Variants in ITSN1 observed in about 807,000 individuals in gnomAD.
ITSN1 encodes intersectin-1.
Under a neutral mutation model 239.8 loss-of-function variants are expected in ITSN1, and 58 were observed. The ratio of observed to expected loss-of-function variants is 0.24; its 90% CI spans 0.20 to 0.30. ITSN1 has a LOEUF of 0.30. Ranked by LOEUF, ITSN1 falls within the 10% of genes least tolerant of loss-of-function variation. The probability of loss-of-function intolerance (pLI) is 1.00; values close to 1 mark genes in which losing one functional copy is unlikely to be tolerated. For synonymous variants in ITSN1, 780 were observed against 770.8 expected (o/e 1.01, Z -0.20); for missense variants, 1,558 against 2,103.3 (o/e 0.74, Z 5.07).
chr21:33,807,952 G>A (rs1423849038), intron 20 of ITSN1, among the ~76,000 whole-genome samples: 2 of 148,722 alleles, frequency 1.3e-5, no homozygotes, highest in East Asian at 4.1e-4. Flanking sequence ...TTGGGAGGCC[G>A]AGGCGGGTGG....
At chr21:33,681,206 T>C (rs2090930272) in intron 1 of ITSN1, among the ~76,000 whole-genome samples, 2 of 152,208 alleles carry the variant, frequency 1.3e-5, no homozygotes, top group Non-Finnish European at 2.9e-5. Flanking sequence ...TGTGTTTGTA[T>C]GGAGCGATAT....
chr21:33,765,851 T>A (rs1473039534), intron 9 of ITSN1, 24 bp from the exon 10 acceptor site: 1 of 1,612,742 alleles, frequency 6.2e-7, no homozygotes, highest in African/African-American at 1.3e-5. Context: ...GAAACCGGAT[T>A]ACAGTTAACT....
At chr21:33,878,600 T>TCA (rs1341680181) in intron 34 of ITSN1, among the ~76,000 whole-genome samples, 5 of 151,986 alleles carry the variant, frequency 3.3e-5, no homozygotes, top group African/African-American at 1.2e-4. Flanking sequence ...CCTGAGGGAG[T>TCA]CACCATGACT....
At chr21:33,848,722 C>G (rs943381361) in intron 29 of ITSN1, among the ~76,000 whole-genome samples, 1 of 152,240 alleles carries the variant, frequency 6.6e-6, no homozygotes, top group Non-Finnish European at 1.5e-5. Flanking sequence ...CCATGACTCA[C>G]CATCACGCAG....
At chr21:33,790,998 C>G (rs1229826952) in intron 16 of ITSN1, among the ~76,000 whole-genome samples, 1 of 152,164 alleles carries the variant, frequency 6.6e-6, no homozygotes, top group Non-Finnish European at 1.5e-5. Flanking sequence ...ACTGGGTATT[C>G]TACAAGGACT....
At chr21:33,707,201 T>G (rs1366331789) in intron 1 of ITSN1, among the ~76,000 whole-genome samples, 2 of 152,232 alleles carry the variant, frequency 1.3e-5, no homozygotes, top group Non-Finnish European at 2.9e-5. Flanking sequence ...ACTTAGTCTT[T>G]TCTTTGTGGC....
intron 29 of ITSN1, among the ~76,000 whole-genome samples, chr21:33,847,289 C>T (rs945857369): frequency 6.6e-6 from 1 of 152,226 alleles, no homozygotes; most frequent in African/African-American, 2.4e-5. Context: ...GCCTGGCTGC[C>T]TTGGCCTAGA....
intron 29 of ITSN1, among the ~76,000 whole-genome samples, chr21:33,843,800 C>T (rs1182240443): frequency 6.6e-6 from 1 of 152,154 alleles, no homozygotes; most frequent in African/African-American, 2.4e-5. Flanking sequence ...TGATCTTGGG[C>T]AAGTTATGTA....
intron 5 of ITSN1, among the ~76,000 whole-genome samples, chr21:33,736,751 C>T (rs763855042): frequency 2.1e-4 from 32 of 152,144 alleles, no homozygotes; most frequent in Non-Finnish European, 4.4e-4. Context: ...TTTGGGAGGC[C>T]AAAGCAGGAG....
chr21:33,850,383 C>T (rs533946017), intron 29 of ITSN1, among the ~76,000 whole-genome samples: 2 of 152,302 alleles, frequency 1.3e-5, no homozygotes, highest in East Asian at 1.9e-4. Flanking sequence ...CCTTTGGGGG[C>T]ATTCCTTCCC....
chr21:33,777,301 G>A (rs542102816), intron 14 of ITSN1, among the ~76,000 whole-genome samples: 1 of 152,038 alleles, frequency 6.6e-6, no homozygotes, highest in Non-Finnish European at 1.5e-5. Flanking sequence ...GTCTATTCTG[G>A]ACTCTATTCT....
At chr21:33,844,393 A>G (rs1402969649) in intron 29 of ITSN1, among the ~76,000 whole-genome samples, 1 of 152,194 alleles carries the variant, frequency 6.6e-6, no homozygotes, top group African/African-American at 2.4e-5. Context: ...AGCGCTCCAC[A>G]ATAAACCTGT....
At position 33,885,045 on chromosome 21, in the gene ITSN1, G is replaced by C. The variant is rs780567832; in HGVS notation, c.4681G>C (p.Ala1561Pro). ...LRAESINERTAWVQKIKAASE... is the reference protein window; with the variant it reads ...LRAESINERTPWVQKIKAASE... ...TTCTGTCTTTTTCTGTCCAAGGACT[G>C]CCTGGGTGCAGAAAATCAAAGCTGC... Residue 1561 changes from alanine (A) to proline (P), a missense_variant, in exon 37 of 40, where the codon GCC (alanine) becomes CCC (proline). Physicochemically the swap from Ala to Pro is conservative, Grantham distance 27. Coordinates refer to ENST00000381318, the MANE Select transcript of ITSN1 (RefSeq NM_003024.3). The C allele has an allele frequency of 6.2e-7, 1 of 1,613,946 alleles. No homozygotes were observed. Among genetic ancestry groups the C allele is most frequent in the Non-Finnish European group, 8.5e-7 (1 of 1,179,828 alleles).
intron 29 of ITSN1, among the ~76,000 whole-genome samples, chr21:33,854,143 C>G (rs561060945): frequency 6.6e-6 from 1 of 152,334 alleles, no homozygotes; most frequent in East Asian, 1.9e-4. Context: ...GTGCATTGTA[C>G]ACATGTATTC....
chr21:33,880,383 CT>C, intron 34 of ITSN1, among the ~76,000 whole-genome samples: 1 of 152,234 alleles, frequency 6.6e-6, no homozygotes, highest in African/African-American at 2.4e-5. Context: ...GCCCACGTGG[CT>C]TGAACCCTGT....
At chr21:33,708,243 T>C (rs1601760081) in intron 1 of ITSN1, among the ~76,000 whole-genome samples, 1 of 152,352 alleles carries the variant, frequency 6.6e-6, no homozygotes, top group East Asian at 1.9e-4. Flanking sequence ...CTTTAGATAT[T>C]GTGGATACAA....
At chr21:33,651,915 T>G (rs2088570988) in intron 1 of ITSN1, among the ~76,000 whole-genome samples, 1 of 152,236 alleles carries the variant, frequency 6.6e-6, no homozygotes, top group Non-Finnish European at 1.5e-5. Context: ...TGTTTTGATC[T>G]TGGTAGATGA....
At chr21:33,767,190 T>G (rs1303958220) in intron 10 of ITSN1, among the ~76,000 whole-genome samples, 2 of 151,360 alleles carry the variant, frequency 1.3e-5, no homozygotes, top group African/African-American at 4.9e-5. Context: ...TAAAATAAAA[T>G]GACATAAATA....
intron 1 of ITSN1, among the ~76,000 whole-genome samples, chr21:33,660,044 T>G (rs1349910565): frequency 6.6e-6 from 1 of 152,196 alleles, no homozygotes; most frequent in Non-Finnish European, 1.5e-5. Flanking sequence ...GTGGCTTGAT[T>G]CTGTCAATTC....
Sources: allele counts gnomAD v4.1 joint callset (sites outside exome capture counted in the v4.1 genomes callset), GRCh38; gene constraint gnomAD v4.1.1; transcripts MANE v1.5; gene names NCBI Gene and HGNC (gene_info 2026-07-23, HGNC 2026-07-21).